TMEM120B: variants seen among roughly 807,000 people sequenced by gnomAD.
The protein encoded by TMEM120B is transmembrane protein 120B.
In TMEM120B, 31 loss-of-function variants were observed where a neutral mutation model predicts 55.5. That is an observed-to-expected ratio of 0.56 (90% CI 0.42 to 0.75). The LOEUF is 0.75. Ranked by LOEUF, TMEM120B falls within the 30% of genes least tolerant of loss-of-function variation. TMEM120B has a pLI of 0.00. For synonymous variants in TMEM120B, 203 were observed against 176.3 expected (o/e 1.15, Z -1.20); for missense variants, 399 against 425.5 (o/e 0.94, Z 0.55).
At chr12:121,759,085 C>A in intron 5 of TMEM120B, 2 of 937,300 alleles carry the variant, frequency 2.1e-6, no homozygotes, top group Non-Finnish European at 2.5e-6. Context: ...TAGCTTAACA[C>A]TGCAGACAAC....
intron 5 of TMEM120B, chr12:121,758,741 TGGA>T (rs1345034880): frequency 3.1e-6 from 3 of 976,126 alleles, no homozygotes; most frequent in Non-Finnish European, 3.6e-6. Flanking sequence ...GTGGTCACCA[TGGA>T]GGAGGACGGC....
Position 121,771,562 on chromosome 12 carries a change from T to C in TMEM120B, c.679+13T>C. 1 of 1,613,320 alleles carries C rather than the reference T, an allele frequency of 6.2e-7. No homozygotes were observed. The highest frequency in any genetic ancestry group is 8.5e-7 in the Non-Finnish European group (1 of 1,179,280). ...TCCATTTTTCAGAGTGAGTGACTGT[T>C]GCCTGGATTTGGGGGAAGGGACATG... On this transcript the variant is annotated intron_variant, in intron 8 of 11. Transcript: ENST00000449592.
intron 1 of TMEM120B, among the ~76,000 whole-genome samples, chr12:121,730,654 AAAAAAAAAACAAAC>A (rs1894982579): frequency 6.7e-6 from 1 of 149,644 alleles, no homozygotes; most frequent in Non-Finnish European, 1.5e-5. Flanking sequence ...AGTCAAAAAA[AAAAAAAAAACAAAC>A]AAAAAAAAAC....
At position 121,728,710 on chromosome 12, in the gene TMEM120B, T is replaced by C. The variant is rs192784751; in HGVS notation, c.70-14919T>C. On this transcript the variant is annotated intron_variant, in intron 1 of 11. Transcript: ENST00000449592. ...CGTGTTTACTTATGTAATTAGGAAGTCAGAAGGGTGCTACCTTCAGGTGTA... is the reference window on the plus strand; with the variant it reads ...CGTGTTTACTTATGTAATTAGGAAGCCAGAAGGGTGCTACCTTCAGGTGTA... 2.6e-5 allele frequency among the ~76,000 whole-genome samples: 4 copies of C among 152,270 alleles called. No homozygotes were observed. The East Asian group carries it at 7.7e-4, about 29-fold the overall frequency.
chr12:121,761,658 C>A lies in TMEM120B; in HGVS notation c.471C>A (p.Asp157Glu), dbSNP rs777967733. 1.2e-6 allele frequency: 2 copies of A among 1,613,730 alleles called. No homozygotes were observed. Among genetic ancestry groups the A allele is most frequent in the East Asian group, 4.5e-5 (2 of 44,860 alleles). Residue 157 changes from aspartate (D) to glutamate (E), a missense_variant, in exon 6 of 12, where the codon GAC becomes GAA. Around this residue, in one of 3 missense-constraint regions of TMEM120B, gnomAD observed 260 missense variants for 303.9 expected, o/e 0.86. Coordinates refer to ENST00000449592, the MANE Select transcript of TMEM120B (RefSeq NM_001080825.2). ...CTGTTTCCTTGCACAGGGTGACTGA[C>A]GAAGTCTTCAACTTCCTGCTGGTGT... Reference protein sequence around the residue: ...CRFVLHYRVTDEVFNFLLVWY... With the variant: ...CRFVLHYRVTEEVFNFLLVWY...
intron 1 of TMEM120B, among the ~76,000 whole-genome samples, chr12:121,717,281 G>C (rs1024140960): frequency 1.3e-5 from 2 of 152,214 alleles, no homozygotes; most frequent in Non-Finnish European, 2.9e-5. Flanking sequence ...GTGGCCCGTA[G>C]CAGCTTTTCC....
intron 5 of TMEM120B, chr12:121,758,626 A>G: frequency 1.0e-6 from 1 of 981,454 alleles, no homozygotes; most frequent in Middle Eastern, 5.3e-4. Context: ...CGCTGTGGTC[A>G]CCATGGAGGA....
At chr12:121,739,888 C>A (rs1219895332) in intron 1 of TMEM120B, among the ~76,000 whole-genome samples, 4 of 149,784 alleles carry the variant, frequency 2.7e-5, no homozygotes, top group East Asian at 4.0e-4. Flanking sequence ...AAGCGATTCT[C>A]CTGCCTCAGC....
chr12:121,757,769 G>A (rs1159648669), intron 5 of TMEM120B, among the ~76,000 whole-genome samples: 1 of 152,114 alleles, frequency 6.6e-6, no homozygotes, highest in African/African-American at 2.4e-5. Context: ...ACCCACCTCG[G>A]CCTCCCAAAG....
intron 1 of TMEM120B, among the ~76,000 whole-genome samples, chr12:121,740,555 T>C (rs1227507520): frequency 6.6e-6 from 1 of 151,670 alleles, no homozygotes; most frequent in Non-Finnish European, 1.5e-5. Context: ...AGAAAATATA[T>C]TTACTCTTCA....
At chr12:121,771,114 C>T (rs556688948) in intron 7 of TMEM120B, 142 bp downstream of exon 7, 119 of 919,108 alleles carry the variant, frequency 1.3e-4, no homozygotes, top group East Asian at 3.7e-4. Context: ...CCTGCAGCTG[C>T]GCCGGGCTGC....
In TMEM120B at chr12:121,780,856, C is replaced by T. The variant is rs1174940394; in HGVS notation, c.*5134C>T. The stretch of plus-strand genomic sequence containing the variant: ...CACAGCCACGGCTGTGCCCCAGGGT[C>T]TTGGCCCCGGCCCACCTGCATGTAG... On this transcript the variant is annotated 3_prime_UTR_variant, in exon 12 of 12. Coordinates refer to ENST00000449592, the MANE Select transcript of TMEM120B (RefSeq NM_001080825.2). 1.2e-6 allele frequency: 2 copies of T among 1,609,884 alleles called. No individual in the cohort carries two copies. Among genetic ancestry groups the T allele is most frequent in the Non-Finnish European group, 1.7e-6 (2 of 1,178,206 alleles).
chr12:121,779,663 C>G lies in TMEM120B; in HGVS notation c.*3941C>G. 6.2e-7 allele frequency: 1 copy of G among 1,613,782 alleles called. No individual in the cohort carries two copies. The highest frequency in any genetic ancestry group is 1.3e-5 in the African/African-American group (1 of 75,070). On this transcript the variant is annotated 3_prime_UTR_variant, in exon 12 of 12. Transcript: ENST00000449592. ...GGATCTGTTCGCAGGCGCTCAGGCC[C>G]TGGGTGGGGGGAGGAGCCAGCATTA...
intron 1 of TMEM120B, among the ~76,000 whole-genome samples, chr12:121,728,445 C>T (rs1243749390): frequency 2.0e-5 from 3 of 151,026 alleles, no homozygotes; most frequent in Non-Finnish European, 2.9e-5. Context: ...GCCGAGATTA[C>T]GCCACTGTAC....
At chr12:121,759,202 C>G (rs890922139) in intron 5 of TMEM120B, among the ~76,000 whole-genome samples, 1 of 150,790 alleles carries the variant, frequency 6.6e-6, no homozygotes, top group Non-Finnish European at 1.5e-5. Flanking sequence ...CGTGAGCCAC[C>G]GCACCCAGCC....
chr12:121,724,148 C>T (rs568474155), intron 1 of TMEM120B, among the ~76,000 whole-genome samples: 1 of 150,920 alleles, frequency 6.6e-6, no homozygotes, highest in South Asian at 2.1e-4. Flanking sequence ...AGTGATTCTC[C>T]TGCCTCAGCC....
At chr12:121,757,286 C>T (rs1333147640) in intron 5 of TMEM120B, among the ~76,000 whole-genome samples, 2 of 151,948 alleles carry the variant, frequency 1.3e-5, no homozygotes, top group African/African-American at 4.8e-5. Context: ...CTCAGCATCC[C>T]GAGTAGCTGA....
At chr12:121,737,736 G>T (rs1215267386) in intron 1 of TMEM120B, among the ~76,000 whole-genome samples, 1 of 151,930 alleles carries the variant, frequency 6.6e-6, no homozygotes, top group Admixed American at 6.6e-5. Context: ...GTTGCCAGGT[G>T]CAGTGTCTCA....
At chr12:121,750,126 G>A (rs80250105) in intron 3 of TMEM120B, among the ~76,000 whole-genome samples, 4,834 of 151,992 alleles carry the variant, frequency 0.032, 275 homozygotes, top group African/African-American at 0.11. Context: ...TGGCTGCAAG[G>A]CAGGCTTAGA....
Sources: allele counts gnomAD v4.1 joint callset (sites outside exome capture counted in the v4.1 genomes callset), GRCh38; gene constraint gnomAD v4.1.1; regional missense constraint gnomAD v4.1.1; transcripts MANE v1.5; gene names NCBI Gene and HGNC (gene_info 2026-07-23, HGNC 2026-07-21).